FBXO39: variants seen among roughly 807,000 people sequenced by gnomAD.
FBXO39 encodes the protein F-box only protein 39.
A neutral mutation model predicts 36.6 loss-of-function variants in FBXO39; 22 were observed. That is an observed-to-expected ratio of 0.60 (90% CI 0.43 to 0.86). FBXO39 has a LOEUF of 0.86. Among genes scored for constraint, FBXO39 ranks in the 40% least tolerant of loss-of-function variants. FBXO39 has a pLI of 0.00. For missense variants in FBXO39, 536 were observed against 543.9 expected, an observed-to-expected ratio of 0.99 and a Z score of 0.14; for synonymous variants, 206 against 205.8, an observed-to-expected ratio of 1.00 and a Z score of -0.01.
chr17:6,787,238 A>ATGTG lies in FBXO39; in HGVS notation c.1201-49_1201-46dup, dbSNP rs756808686. ...GTGTAGTCACCGTGTGTGTGTGTGT[A>ATGTG]TGTGTGTGTGTGTGTGCGTGTGTGC... On this transcript the variant is annotated intron_variant, in intron 3 of 3. Transcript: ENST00000321535. The ATGTG allele has an allele frequency of 9.2e-6, 8 of 873,680 alleles. 1 individual carries two copies. The highest frequency in any genetic ancestry group is 9.3e-5 in the Admixed American group (2 of 21,418). 54.1% of individuals were successfully genotyped at this position (873,680 alleles called of 1,614,324 possible). A position where few individuals can be genotyped will look rare whatever the true frequency, so the allele number is the denominator to read the frequency against.
chr17:6,778,481 C>T (rs1442557381), intron 1 of FBXO39, among the ~76,000 whole-genome samples: 1 of 152,206 alleles, frequency 6.6e-6, no homozygotes, highest in Non-Finnish European at 1.5e-5. Context: ...CCGATACTAA[C>T]TTGCTGTGAG....
intron 1 of FBXO39, among the ~76,000 whole-genome samples, chr17:6,778,343 C>T (rs971895513): frequency 2.0e-5 from 3 of 152,094 alleles, no homozygotes; most frequent in African/African-American, 7.2e-5. Flanking sequence ...CTTGCACAGA[C>T]GAATAATGTC....
At chr17:6,779,750 G>A (rs929531669) in intron 1 of FBXO39, 39 bp from the exon 2 acceptor site, 1 of 1,105,618 alleles carries the variant, frequency 9.0e-7, no homozygotes, top group Non-Finnish European at 1.3e-6. Flanking sequence ...TTTAATCTCT[G>A]TTTGACAGGT....
At position 6,780,585 on chromosome 17, in the gene FBXO39, G is replaced by T. The variant is rs1333535550; in HGVS notation, c.717G>T (p.Glu239Asp). ...TCAACTACAACTGTATCTCCGACGA[G>T]CTGCTTGAGAACTTGTGTGAGAATG... is the stretch of plus-strand genomic sequence containing the variant. ...LNLNYNCISD[E>D]LLENLCENAS... Residue 239 changes from glutamate (E) to aspartate (D), a missense_variant, in exon 2 of 4, where the codon GAG becomes GAT. Physicochemically the swap from Glu to Asp is conservative, Grantham distance 45 (BLOSUM62 2). Coordinates refer to ENST00000321535, the MANE Select transcript of FBXO39 (RefSeq NM_153230.3). 21 of 1,613,888 alleles carry T rather than the reference G, an allele frequency of 1.3e-5. No individual in the cohort carries two copies. The highest frequency in any genetic ancestry group is 1.8e-5 in the Non-Finnish European group (21 of 1,180,038).
intron 1 of FBXO39, among the ~76,000 whole-genome samples, chr17:6,778,920 T>C (rs1311970233): frequency 1.3e-5 from 2 of 152,168 alleles, no homozygotes; most frequent in Admixed American, 1.3e-4. Context: ...CCACAATGCC[T>C]GGACTCTGCT....
intron 2 of FBXO39, among the ~76,000 whole-genome samples, chr17:6,783,542 A>T (rs1976533204): frequency 6.6e-6 from 1 of 152,056 alleles, no homozygotes; most frequent in Non-Finnish European, 1.5e-5. Context: ...GACCCAAATA[A>T]ATAAAATCAA....
In FBXO39 at chr17:6,780,738, A is replaced by G. The variant is rs1976498196; in HGVS notation, c.870A>G (p.Glu290=). The change falls in exon 2 of 4, where the codon GAA becomes GAG. Residue 290 remains glutamate, a synonymous_variant. Coordinates refer to ENST00000321535, the MANE Select transcript of FBXO39 (RefSeq NM_153230.3). ...ATCTGAAGGTGAACTTCTTCTTTGA[A>G]CGGATCATGAAGTACGAACGCTTGG... is the stretch of plus-strand genomic sequence containing the variant. The part of the protein sequence containing the change: ...ATNLKVNFFF[E]RIMKYERLAR... 1 of 1,614,102 alleles carries G rather than the reference A, an allele frequency of 6.2e-7. No individual in the cohort carries two copies. The highest frequency in any genetic ancestry group is 1.1e-5 in the South Asian group (1 of 91,068).
At chr17:6,779,689 G>A (rs1976478797) in intron 1 of FBXO39, 100 bp from the exon 2 acceptor site, 3 of 632,980 alleles carry the variant, frequency 4.7e-6, no homozygotes, top group African/African-American at 1.8e-5. Flanking sequence ...ACCCACACCT[G>A]GCACAGTGCC....
At chr17:6,784,929 A>ATATATATATATATATG (rs1491434533) in intron 2 of FBXO39, among the ~76,000 whole-genome samples, 1 of 136,214 alleles carries the variant, frequency 7.3e-6, no homozygotes, top group African/African-American at 3.1e-5. Context: ...ATATATATAT[A>ATATATATATATATATG]TGTGTGTGTG....
intron 2 of FBXO39, among the ~76,000 whole-genome samples, chr17:6,782,475 T>C (rs1004717743): frequency 4.1e-4 from 63 of 151,980 alleles, no homozygotes; most frequent in African/African-American, 1.4e-3. Context: ...TCAAAAGACA[T>C]AGGTGGCTGA....
In FBXO39 at chr17:6,780,019, T is replaced by C. The variant is rs542378940; in HGVS notation, c.151T>C (p.Tyr51His). ...CTGCAGAAAGTGGAACCAGATGATG[T>C]ATTCTGCTGAGCTCTGGCGGTACAG... Reference protein sequence around the residue: ...LVCRKWNQMMYSAELWRYRTI... With the variant: ...LVCRKWNQMMHSAELWRYRTI... The change falls in exon 2 of 4, where the codon TAT (tyrosine) becomes CAT (histidine). Residue 51 changes from tyrosine (Y) to histidine (H), a missense_variant. Coordinates refer to ENST00000321535, the MANE Select transcript of FBXO39 (RefSeq NM_153230.3). The C allele has an allele frequency of 3.7e-6, 6 of 1,614,206 alleles. No individual in the cohort carries two copies. In the Admixed American group the frequency reaches 1.0e-4, roughly 27 times the overall value.
intron 1 of FBXO39, among the ~76,000 whole-genome samples, chr17:6,779,493 C>A (rs548591203): frequency 4.6e-5 from 7 of 152,322 alleles, no homozygotes; most frequent in Admixed American, 3.3e-4. Flanking sequence ...GCAGCCCTCT[C>A]TACTTCCAAA....
intron 2 of FBXO39, among the ~76,000 whole-genome samples, chr17:6,786,176 G>T (rs1319963132): frequency 1.3e-5 from 2 of 152,234 alleles, no homozygotes; most frequent in Non-Finnish European, 2.9e-5. Context: ...AAAAAAGAAT[G>T]AGATTCTGTT....
Position 6,780,843 on chromosome 17 carries a change from G to T in FBXO39, c.975G>T (p.Met325Ile), listed in dbSNP as rs1215099781. 2 of 1,613,902 alleles carry T rather than the reference G, an allele frequency of 1.2e-6. No individual in the cohort carries two copies. The highest frequency in any genetic ancestry group is 1.7e-6 in the Non-Finnish European group (2 of 1,180,028). Residue 325 changes from methionine (M) to isoleucine (I), a missense_variant, in exon 2 of 4, where the codon ATG becomes ATT. Coordinates refer to ENST00000321535, the MANE Select transcript of FBXO39 (RefSeq NM_153230.3). ...ATTTCAGTGACCCAGACTGTTCAAT[G>T]AGACCCACTCTGATAGATCTCCTGC... ...SCYFSDPDCS[M>I]RPTLIDLLPT...
At chr17:6,778,588 A>G (rs1398293429) in intron 1 of FBXO39, among the ~76,000 whole-genome samples, 2 of 152,186 alleles carry the variant, frequency 1.3e-5, no homozygotes, top group Admixed American at 6.5e-5. Context: ...TTTATGAGCC[A>G]TGATCAATAA....
chr17:6,787,143 C>G (rs1976581986), intron 3 of FBXO39, among the ~76,000 whole-genome samples, 157 bp from the exon 4 acceptor site: 1 of 152,112 alleles, frequency 6.6e-6, no homozygotes, highest in Admixed American at 6.5e-5. Context: ...TTTTCTGATT[C>G]TGCCAACATA....
chr17:6,782,137 A>G (rs1346884110), intron 2 of FBXO39, among the ~76,000 whole-genome samples: 1 of 152,232 alleles, frequency 6.6e-6, no homozygotes, highest in African/African-American at 2.4e-5. Context: ...GACAAAGTTA[A>G]GGTAAAAAGT....
chr17:6,785,247 G>C (rs187334688), intron 2 of FBXO39, among the ~76,000 whole-genome samples: 5 of 152,050 alleles, frequency 3.3e-5, no homozygotes, highest in Non-Finnish European at 7.4e-5. Flanking sequence ...GGAAAAGGAC[G>C]ATCTCCTCTT....
chr17:6,787,620 G>A lies in FBXO39; in HGVS notation c.*192G>A. ...GCCCATGACCTGAAGGCTCCAGGTGGCTTTAAAGCGCTATGTTTACCAACT... is the reference window on the plus strand; with the variant it reads ...GCCCATGACCTGAAGGCTCCAGGTGACTTTAAAGCGCTATGTTTACCAACT... On this transcript the variant is annotated 3_prime_UTR_variant, in exon 4 of 4. Coordinates refer to ENST00000321535, the MANE Select transcript of FBXO39 (RefSeq NM_153230.3). 2 of 522,418 alleles carry A rather than the reference G, an allele frequency of 3.8e-6. 1 individual carries two copies. Among genetic ancestry groups the A allele is most frequent in the East Asian group, 6.5e-5 (2 of 30,780 alleles). The allele number at this position is 522,418 out of a possible 1,614,324, so 32.4% of individuals were successfully genotyped here.
Sources: gnomAD v4.1 joint callset for allele counts (sites outside exome capture counted in the v4.1 genomes callset) on GRCh38, gnomAD v4.1.1 for gene constraint, MANE v1.5 for transcripts, NCBI Gene and HGNC (gene_info 2026-07-23, HGNC 2026-07-21) for gene names.